The following CFAP47 variants were observed in gnomAD, a reference collection of about 807,000 sequenced individuals.
CFAP47 encodes the protein cilia and flagella associated protein 47, also known as cilia- and flagella-associated protein 47.
A neutral mutation model predicts 148.1 loss-of-function variants in CFAP47; 29 were observed. That is an observed-to-expected ratio of 0.20 (90% CI 0.15 to 0.27). The LOEUF (loss-of-function observed/expected upper bound fraction) is 0.27, where lower values mean the gene tolerates loss of function less well. CFAP47 is among the 10% of genes least tolerant of loss of function. The pLI, the probability that CFAP47 is intolerant of heterozygous loss-of-function variation, is 1.00. For synonymous variants in CFAP47, 664 were observed against 577.3 expected, an observed-to-expected ratio of 1.15 and a Z score of -2.15; for missense variants, 1,872 against 1,697.5, an observed-to-expected ratio of 1.10 and a Z score of -1.81.
chrX:36,306,495 G>C (rs782609779), intron 54 of CFAP47, among the ~76,000 whole-genome samples: 1 of 111,090 alleles, frequency 9.0e-6, no homozygotes, highest in African/African-American at 3.3e-5. Flanking sequence ...TTCGAACTGA[G>C]CTTTAAAAAT....
chrX:36,339,366 G>C (rs1477066340), intron 57 of CFAP47, among the ~76,000 whole-genome samples: 2 of 111,665 alleles, frequency 1.8e-5, no homozygotes, highest in African/African-American at 3.3e-5. Flanking sequence ...AGGTATGTTA[G>C]TTATAGTAGT....
chrX:36,103,501 GAAAAAAAAAAAA>G lies in CFAP47; in HGVS notation c.5128-981_5128-970del, dbSNP rs61501194. Among the ~76,000 whole-genome samples the G allele has an allele frequency of 1.1e-3, 16 of 15,046 alleles. No homozygotes were observed. The East Asian group carries it at 0.022, about 20-fold the overall frequency. The allele number at this position is 15,046 out of a possible 115,157, so 13.1% of individuals were successfully genotyped here. On this transcript the variant is annotated intron_variant, in intron 32 of 63. Transcript: ENST00000378653. The stretch of plus-strand genomic sequence containing the variant: ...GAGCTGAGTGTGCTCTCATATGCCA[GAAAAAAAAAAAA>G]AAAAAAAAAAAAAAAACATCCCTCA...
At chrX:36,305,099 CTT>C (rs1360636642) in intron 54 of CFAP47, among the ~76,000 whole-genome samples, 2 of 112,174 alleles carry the variant, frequency 1.8e-5, no homozygotes, top group African/African-American at 6.5e-5. Context: ...ACATCTGTCT[CTT>C]GTCAGTTACT....
intron 62 of CFAP47, among the ~76,000 whole-genome samples, chrX:36,371,781 T>C (rs1556021714): frequency 1.8e-5 from 1 of 54,341 alleles, no homozygotes; most frequent in South Asian, 1.1e-3. Context: ...CACACATGTG[T>C]ATATATGTGT....
chrX:35,958,198 T>C (rs1325995349), intron 8 of CFAP47, among the ~76,000 whole-genome samples: 1 of 111,982 alleles, frequency 8.9e-6, no homozygotes, highest in African/African-American at 3.2e-5. Context: ...ATGCACATTG[T>C]AATATGTATT....
chrX:36,217,320 C>T (rs1940168263), intron 45 of CFAP47, among the ~76,000 whole-genome samples: 1 of 111,619 alleles, frequency 9.0e-6, no homozygotes, highest in Non-Finnish European at 1.9e-5. Context: ...GTACACTCTT[C>T]CTGCCATCCA....
At chrX:35,940,665 G>T (rs6629022) in intron 2 of CFAP47, among the ~76,000 whole-genome samples, 12 of 109,207 alleles carry the variant, frequency 1.1e-4, no homozygotes, top group Non-Finnish European at 3.8e-5. Flanking sequence ...TCTCTCCCCC[G>T]CTCTCTCTCT....
At chrX:36,197,434 A>G (rs1475731180) in intron 42 of CFAP47, among the ~76,000 whole-genome samples, 2 of 112,491 alleles carry the variant, frequency 1.8e-5, no homozygotes, top group African/African-American at 6.4e-5. Context: ...CTAATTGCTT[A>G]TGCACATTTT....
intron 1 of CFAP47, among the ~76,000 whole-genome samples, chrX:35,920,509 G>A (rs1438888755): frequency 9.0e-6 from 1 of 111,496 alleles, no homozygotes; most frequent in African/African-American, 3.3e-5. Context: ...ACTATATAAC[G>A]GGTAATAGAC....
In CFAP47 at chrX:35,924,103, A is replaced by G. The variant is rs777894544; in HGVS notation, c.250-1914A>G. ...TGTACATGTATGCGTACATATATGT[A>G]TATATGTACATGTATGCGTACATAT... On this transcript the variant is annotated intron_variant, in intron 1 of 63. Coordinates refer to ENST00000378653, the MANE Select transcript of CFAP47 (RefSeq NM_001304548.2). Among the ~76,000 whole-genome samples, 47 of 100,911 alleles carry G rather than the reference A, an allele frequency of 4.7e-4. 1 individual carries two copies. The highest frequency in any genetic ancestry group is 6.5e-4 in the Non-Finnish European group (33 of 50,760). The allele number at this position is 100,911 out of a possible 115,157, so 87.6% of individuals were successfully genotyped here.
intron 27 of CFAP47, among the ~76,000 whole-genome samples, chrX:36,068,100 T>A (rs1259734691): frequency 8.9e-6 from 1 of 112,373 alleles, no homozygotes; most frequent in Admixed American, 9.4e-5. Flanking sequence ...TTTTTCCCTT[T>A]ATGCTCAAGC....
intron 62 of CFAP47, among the ~76,000 whole-genome samples, chrX:36,368,842 T>C (rs34034676): frequency 1.8e-5 from 2 of 111,530 alleles, no homozygotes; most frequent in African/African-American, 6.5e-5. Context: ...AATGGTATTG[T>C]TATTATGTAT....
chrX:36,060,711 C>A (rs1937586551), intron 26 of CFAP47, among the ~76,000 whole-genome samples: 1 of 111,178 alleles, frequency 9.0e-6, no homozygotes, highest in South Asian at 3.8e-4. Flanking sequence ...GATTTAGAAC[C>A]TAAAGTCTAT....
chrX:36,035,601 C>T (rs1022260758), intron 23 of CFAP47, 94 bp from the exon 24 acceptor site: 3 of 282,399 alleles, frequency 1.1e-5, no homozygotes, highest in Non-Finnish European at 1.9e-5. Context: ...TGAATTTATA[C>T]ATAGGCTCAT....
intron 26 of CFAP47, among the ~76,000 whole-genome samples, chrX:36,063,021 C>T (rs1422945456): frequency 8.9e-6 from 1 of 111,860 alleles, no homozygotes; most frequent in African/African-American, 3.2e-5. Context: ...ACATTCACAT[C>T]GTATCTTTGA....
intron 15 of CFAP47, among the ~76,000 whole-genome samples, chrX:35,988,917 A>C (rs766991815): frequency 8.9e-6 from 1 of 112,293 alleles, no homozygotes; most frequent in Non-Finnish European, 1.9e-5. Flanking sequence ...GATGCTGACA[A>C]GTAGTATTCC....
intron 57 of CFAP47, among the ~76,000 whole-genome samples, chrX:36,342,003 G>T (rs1941657903): frequency 9.0e-6 from 1 of 110,702 alleles, no homozygotes; most frequent in African/African-American, 3.3e-5. Flanking sequence ...GATAAAAAAA[G>T]AAAGAAAAAA....
At chrX:36,144,006 G>A (rs951559988) in intron 35 of CFAP47, among the ~76,000 whole-genome samples, 1 of 111,222 alleles carries the variant, frequency 9.0e-6, no homozygotes, top group African/African-American at 3.3e-5. Flanking sequence ...CTTTTCTTAT[G>A]CGTGACCCAA....
intron 40 of CFAP47, among the ~76,000 whole-genome samples, chrX:36,182,545 T>C (rs746396751): frequency 4.5e-5 from 5 of 111,983 alleles, no homozygotes; most frequent in Admixed American, 9.5e-5. Flanking sequence ...TTTTAAAAGC[T>C]TTTTATTGTT....
Sources: allele counts gnomAD v4.1 joint callset (sites outside exome capture counted in the v4.1 genomes callset), GRCh38; gene constraint gnomAD v4.1.1; transcripts MANE v1.5; gene names NCBI Gene and HGNC (gene_info 2026-07-23, HGNC 2026-07-21).